Variants in CNTN5 observed in about 807,000 individuals in gnomAD.
CNTN5 encodes contactin-5.
Under a neutral mutation model 129.1 loss-of-function variants are expected in CNTN5, and 77 were observed. That is an observed-to-expected ratio of 0.60 (90% CI 0.50 to 0.72). The LOEUF is 0.72. Among genes scored for constraint, CNTN5 ranks in the 30% least tolerant of loss-of-function variants. CNTN5 has a pLI of 0.00. For synonymous variants in CNTN5, 509 were observed against 465.6 expected, an observed-to-expected ratio of 1.09 and a Z score of -1.20; for missense variants, 1,478 against 1,328.8, an observed-to-expected ratio of 1.11 and a Z score of -1.75.
chr11:99,284,610 TGTGTGTGTGTGTGTGTGTGTGTGTG>T (rs1863845603), intron 1 of CNTN5, among the ~76,000 whole-genome samples: 1 of 26,654 alleles, frequency 3.8e-5, no homozygotes. Context: ...GGTGTGTGTG[TGTGTGTGTGTGTGTGTGTGTGTGTG>T]TGTGTGTGTG....
chr11:100,339,146 A>G (rs1173460505), intron 21 of CNTN5, among the ~76,000 whole-genome samples: 1 of 152,090 alleles, frequency 6.6e-6, no homozygotes, highest in East Asian at 1.9e-4. Flanking sequence ...GCTGTGTGTT[A>G]GCAGCTCAGT....
intron 3 of CNTN5, among the ~76,000 whole-genome samples, chr11:99,742,826 T>G (rs1401234355): frequency 6.6e-6 from 1 of 152,170 alleles, no homozygotes; most frequent in Non-Finnish European, 1.5e-5. Flanking sequence ...TGTAGATCAT[T>G]CTAGAAAATA....
At chr11:99,864,541 A>T (rs1948304247) in intron 6 of CNTN5, among the ~76,000 whole-genome samples, 1 of 152,032 alleles carries the variant, frequency 6.6e-6, no homozygotes, top group African/African-American at 2.4e-5. Flanking sequence ...CCACTTGCCC[A>T]TTAGGGTCTT....
chr11:99,895,731 G>A (rs905619181), intron 6 of CNTN5, among the ~76,000 whole-genome samples: 4 of 152,160 alleles, frequency 2.6e-5, no homozygotes, highest in Admixed American at 1.3e-4. Flanking sequence ...TGACTCCCTC[G>A]GGCTTCCAGA....
intron 3 of CNTN5, among the ~76,000 whole-genome samples, chr11:99,677,746 G>A (rs2134691547): frequency 6.6e-6 from 1 of 152,106 alleles, no homozygotes; most frequent in South Asian, 2.1e-4. Flanking sequence ...GGATGGGTTG[G>A]TGATTACAGT....
chr11:100,332,253 T>C (rs1475821041), intron 21 of CNTN5, among the ~76,000 whole-genome samples: 1 of 152,056 alleles, frequency 6.6e-6, no homozygotes, highest in Non-Finnish European at 1.5e-5. Context: ...GATAAATTCC[T>C]GGAAATATGC....
chr11:99,177,791 A>G (rs887109631), intron 1 of CNTN5, among the ~76,000 whole-genome samples: 2 of 152,210 alleles, frequency 1.3e-5, no homozygotes, highest in Non-Finnish European at 2.9e-5. Flanking sequence ...TCATGAAAAG[A>G]CCAAAACAAA....
intron 18 of CNTN5, among the ~76,000 whole-genome samples, chr11:100,278,259 T>C (rs978417565): frequency 6.6e-6 from 1 of 152,162 alleles, no homozygotes; most frequent in Non-Finnish European, 1.5e-5. Context: ...CCACCAGTTT[T>C]GTTCTTTTTG....
intron 13 of CNTN5, among the ~76,000 whole-genome samples, chr11:100,157,770 GGATA>G (rs1433716142): frequency 6.6e-6 from 1 of 151,580 alleles, no homozygotes; most frequent in African/African-American, 2.4e-5. Flanking sequence ...GTTATAGAAT[GGATA>G]GAAACACCAA....
At chr11:99,336,044 A>G (rs565770569) in intron 2 of CNTN5, among the ~76,000 whole-genome samples, 1 of 152,292 alleles carries the variant, frequency 6.6e-6, no homozygotes, top group South Asian at 2.1e-4. Flanking sequence ...GGATAAAAAA[A>G]AAAACTTTTT....
intron 1 of CNTN5, among the ~76,000 whole-genome samples, chr11:99,239,007 T>C (rs1429961890): frequency 6.6e-6 from 1 of 152,172 alleles, no homozygotes; most frequent in Non-Finnish European, 1.5e-5. Flanking sequence ...TGACTTTTTT[T>C]ACAGGTTTAT....
chr11:99,730,609 A>G (rs1433668879), intron 3 of CNTN5, among the ~76,000 whole-genome samples: 1 of 152,192 alleles, frequency 6.6e-6, no homozygotes, highest in East Asian at 1.9e-4. Flanking sequence ...TGAATTGATA[A>G]ATGGTTATAT....
chr11:99,617,900 C>T (rs1396723248), intron 3 of CNTN5, among the ~76,000 whole-genome samples: 2 of 152,112 alleles, frequency 1.3e-5, no homozygotes, highest in Admixed American at 1.3e-4. Context: ...GGTTAACATT[C>T]CCATGTCCTG....
intron 13 of CNTN5, among the ~76,000 whole-genome samples, chr11:100,082,491 C>A (rs1466630426): frequency 1.3e-5 from 2 of 152,028 alleles, no homozygotes; most frequent in Non-Finnish European, 2.9e-5. Context: ...GGGGTCTCAC[C>A]ATGTTGCCCA....
At chr11:100,294,301 C>G (rs1361078126) in intron 18 of CNTN5, among the ~76,000 whole-genome samples, 2 of 151,762 alleles carry the variant, frequency 1.3e-5, no homozygotes, top group East Asian at 3.9e-4. Flanking sequence ...CTTTGATATT[C>G]TGCCGTGGCT....
intron 1 of CNTN5, among the ~76,000 whole-genome samples, chr11:99,155,121 G>A (rs1044947697): frequency 4.6e-5 from 7 of 152,080 alleles, no homozygotes; most frequent in East Asian, 1.9e-4. Flanking sequence ...TCAGCTCTCC[G>A]CTTCCCCTGG....
At chr11:99,131,225 G>C (rs11534466) in intron 1 of CNTN5, among the ~76,000 whole-genome samples, 120,722 of 134,400 alleles carry the variant, frequency 0.9, 54,431 homozygotes, top group East Asian at 0.99. Flanking sequence ...TCCAGCCTGG[G>C]TGACAGAGTG....
At chr11:99,669,999 T>G (rs79590022) in intron 3 of CNTN5, among the ~76,000 whole-genome samples, 1,837 of 152,288 alleles carry the variant, frequency 0.012, 39 homozygotes, top group African/African-American at 0.04. Context: ...TTCATCCCTG[T>G]GAGGATAGAT....
chr11:99,670,403 C>A (rs1449071197), intron 3 of CNTN5, among the ~76,000 whole-genome samples: 1 of 152,300 alleles, frequency 6.6e-6, no homozygotes, highest in African/African-American at 2.4e-5. Context: ...AGGCTGTCAA[C>A]ATTTCTCACC....
Sources: gnomAD v4.1 joint callset for allele counts (sites outside exome capture counted in the v4.1 genomes callset) on GRCh38, gnomAD v4.1.1 for gene constraint, MANE v1.5 for transcripts, NCBI Gene and HGNC (gene_info 2026-07-23, HGNC 2026-07-21) for gene names.